NHP2: variants seen among roughly 807,000 people sequenced by gnomAD.
NHP2 encodes H/ACA ribonucleoprotein complex subunit 2.
NHP2 carries 10 observed loss-of-function variants against 16.7 expected under a neutral mutation model. The observed-to-expected ratio is 0.60, with a 90% CI of 0.37 to 1.01. The LOEUF is 1.01. NHP2 is among the 50% of genes least tolerant of loss of function. NHP2 has a pLI of 0.01. For missense variants in NHP2, 184 were observed against 198.3 expected, an observed-to-expected ratio of 0.93 and a Z score of 0.43; for synonymous variants, 87 against 78.9, an observed-to-expected ratio of 1.10 and a Z score of -0.54.
intron 2 of NHP2, among the ~76,000 whole-genome samples, chr5:178,152,862 G>A (rs967335820): frequency 2.0e-5 from 3 of 152,232 alleles, no homozygotes; most frequent in African/African-American, 7.2e-5. Flanking sequence ...TGAGGCAGGA[G>A]GATTCCTTGA....
intron 3 of NHP2, 103 bp downstream of exon 3, chr5:178,150,785 C>A: frequency 1.2e-6 from 1 of 821,248 alleles, no homozygotes; most frequent in South Asian, 1.3e-5. Flanking sequence ...CCAGGCCTGT[C>A]TTAGCTCCAA....
At chr5:178,152,294 C>G (rs923244297) in intron 2 of NHP2, among the ~76,000 whole-genome samples, 2 of 152,164 alleles carry the variant, frequency 1.3e-5, no homozygotes, top group Non-Finnish European at 2.9e-5. Context: ...CTACAAGGCC[C>G]CCTAAGAAGG....
Position 178,150,951 on chromosome 5 carries a change from G to T in NHP2, c.273C>A (p.Tyr91Ter), listed in dbSNP as rs1490611038. 2.5e-6 allele frequency: 4 copies of T among 1,614,070 alleles called. No individual in the cohort carries two copies. Among genetic ancestry groups the T allele is most frequent in the Non-Finnish European group, 3.4e-6 (4 of 1,179,998 alleles). Residue 91 changes from tyrosine to a stop codon, truncating the protein, a stop_gained, in exon 3 of 4, where the codon TAC becomes TAA. Transcript: ENST00000274606. LOFTEE classifies it high-confidence loss of function. ...LAGDTLPIEV[Y>*]CHLPVMCEDR... ...CCTCACACATGACTGGGAGATGGCA[G>T]TATACCTCAATGGGCAGTGTGTCTC...
At chr5:178,150,666 A>T (rs962316065) in intron 3 of NHP2, 1 of 687,286 alleles carries the variant, frequency 1.5e-6, no homozygotes, top group East Asian at 2.8e-5. Context: ...TACAGGTGTG[A>T]GCCACAGCGC....
rs781096695 is a variant in NHP2 at position 178,149,767 on chromosome 5, C to T, written c.408G>A (p.Gln136=). ...CCTCCAGGCACTCATCGTAAGCCTC[C>T]TGGTACTCCTCATGGGGCTTGACCA... ...VIMVKPHEEY[Q]EAYDECLEEV... is the part of the protein sequence containing the mutation. The change falls in exon 4 of 4, where the codon CAG becomes CAA. Residue 136 remains glutamine, a synonymous_variant. Coordinates refer to ENST00000274606, the MANE Select transcript of NHP2 (RefSeq NM_017838.4). 2.5e-6 allele frequency: 4 copies of T among 1,614,128 alleles called. No individual in the cohort carries two copies.
Position 178,150,967 on chromosome 5 carries a change from A to G in NHP2, c.257T>C (p.Leu86Pro), listed in dbSNP as rs376160681. ...KGIMVLAGDT[L>P]PIEVYCHLPV... Reference sequence around the variant, plus strand: ...GAGATGGCAGTATACCTCAATGGGCAGTGTGTCTCCTGCCAAAACCATGAT... The same window carrying G: ...GAGATGGCAGTATACCTCAATGGGCGGTGTGTCTCCTGCCAAAACCATGAT... Residue 86 changes from leucine to proline, a missense_variant, in exon 3 of 4, where the codon CTG becomes CCG. Leu to Pro is a moderately conservative substitution (Grantham distance 98). Coordinates refer to ENST00000274606, the MANE Select transcript of NHP2 (RefSeq NM_017838.4). 6.2e-7 allele frequency: 1 copy of G among 1,613,852 alleles called. No homozygotes were observed. The highest frequency in any genetic ancestry group is 8.5e-7 in the Non-Finnish European group (1 of 1,179,938).
At chr5:178,149,939 A>G in intron 3 of NHP2, 101 bp from the exon 4 acceptor site, 1 of 1,304,282 alleles carries the variant, frequency 7.7e-7, no homozygotes, top group South Asian at 1.3e-5. Flanking sequence ...GCCCACAACC[A>G]TGTTCTGTTC....
At position 178,153,540 on chromosome 5, in the gene NHP2, G is replaced by A. The variant is rs773420072; in HGVS notation, c.181C>T (p.Arg61Trp). ...TTCTGAACCTCTTTCACCCCGCGCC[G>A]AATCTGCTTCTGCTTCACCGCTGCA... ...IKKAVKQKQI[R>W]RGVKEVQKFV... The change falls in exon 2 of 4, where the codon CGG (arginine) becomes TGG (tryptophan). Residue 61 changes from arginine (R) to tryptophan (W), a missense_variant. Coordinates refer to ENST00000274606, the MANE Select transcript of NHP2 (RefSeq NM_017838.4). 13 of 1,614,216 alleles carry A rather than the reference G, an allele frequency of 8.1e-6. No individual in the cohort carries two copies. Among genetic ancestry groups the A allele is most frequent in the Non-Finnish European group, 1.1e-5 (13 of 1,180,030 alleles).
intron 2 of NHP2, among the ~76,000 whole-genome samples, chr5:178,151,373 C>T (rs1228121194): frequency 1.3e-5 from 2 of 152,150 alleles, no homozygotes; most frequent in African/African-American, 4.8e-5. Flanking sequence ...GAGAGACTGG[C>T]AGGGGACACC....
chr5:178,153,863 G>C lies in NHP2; in HGVS notation c.-46C>G. 2 of 1,573,940 alleles carry C rather than the reference G, an allele frequency of 1.3e-6. No individual in the cohort carries two copies. The highest frequency in any genetic ancestry group is 2.3e-5 in the South Asian group (2 of 86,806). On this transcript the variant is annotated 5_prime_UTR_variant, in exon 1 of 4. Coordinates refer to ENST00000274606, the MANE Select transcript of NHP2 (RefSeq NM_017838.4). Reference sequence around the variant, plus strand: ...AGTCCCAGGGAGGCGAGCCCACGCGGTCCACAGCTTTAGGCATCACTTCCA... The same window carrying C: ...AGTCCCAGGGAGGCGAGCCCACGCGCTCCACAGCTTTAGGCATCACTTCCA...
chr5:178,152,862 G>T (rs967335820), intron 2 of NHP2, among the ~76,000 whole-genome samples: 1 of 152,232 alleles, frequency 6.6e-6, no homozygotes, highest in Non-Finnish European at 1.5e-5. Flanking sequence ...TGAGGCAGGA[G>T]GATTCCTTGA....
chr5:178,153,608 C>A, intron 1 of NHP2, 48 bp from the exon 2 acceptor site: 2 of 1,613,624 alleles, frequency 1.2e-6, no homozygotes, highest in Non-Finnish European at 1.7e-6. Flanking sequence ...GCCACCCGCG[C>A]ACCCATCCCA....
At position 178,153,695 on chromosome 5, in the gene NHP2, G is replaced by A; in HGVS notation, c.123C>T (p.Arg41=). Residue 41 remains arginine, a synonymous_variant, in exon 1 of 4, where the codon CGC becomes CGT. Coordinates refer to ENST00000274606, the MANE Select transcript of NHP2 (RefSeq NM_017838.4). ...QNPIAQPLAS[R]RLTRKLYKCI... ...ATTTGTAGAGCTTCCGCGTGAGGCG[G>A]CGAGAAGCCAGGGGCTGCGCGATGG... 1.2e-6 allele frequency: 2 copies of A among 1,614,002 alleles called. No homozygotes were observed. Among genetic ancestry groups the A allele is most frequent in the South Asian group, 2.2e-5 (2 of 91,062 alleles).
intron 2 of NHP2, among the ~76,000 whole-genome samples, chr5:178,152,125 T>C (rs1001191830): frequency 1.3e-5 from 2 of 152,202 alleles, no homozygotes; most frequent in African/African-American, 2.4e-5. Context: ...AGTAGTCTAC[T>C]ACCTGAACTT....
In NHP2 at chr5:178,153,879, A is replaced by G; in HGVS notation, c.-62T>C. 1 of 1,543,848 alleles carries G rather than the reference A, an allele frequency of 6.5e-7. No individual in the cohort carries two copies. The highest frequency in any genetic ancestry group is 8.8e-7 in the Non-Finnish European group (1 of 1,138,624). On this transcript the variant is annotated 5_prime_UTR_variant, in exon 1 of 4. An upstream start codon of the reference 5' UTR is lost. Transcript: ENST00000274606. The stretch of plus-strand genomic sequence containing the variant: ...GCCCACGCGGTCCACAGCTTTAGGC[A>G]TCACTTCCAGGTCATCAGCTGCGCG...
chr5:178,152,681 T>C (rs897725624), intron 2 of NHP2, among the ~76,000 whole-genome samples: 2 of 152,116 alleles, frequency 1.3e-5, no homozygotes, highest in Non-Finnish European at 2.9e-5. Flanking sequence ...ACTCTGTTAT[T>C]TTCCTTCATG....
rs767675306 is a variant in NHP2, at chr5:178,149,521, C to T, written c.*192G>A. 4.1e-5 allele frequency: 26 copies of T among 631,252 alleles called. No homozygotes were observed. Among genetic ancestry groups the T allele is most frequent in the Non-Finnish European group, 6.1e-5 (22 of 361,424 alleles). 39.1% of individuals were successfully genotyped at this position (631,252 alleles called of 1,614,324 possible). A position where few individuals can be genotyped will look rare whatever the true frequency, so the allele number is the denominator to read the frequency against. On this transcript the variant is annotated 3_prime_UTR_variant, in exon 4 of 4. Transcript: ENST00000274606. ...ATTCTTGGAACAGCCTTTAGTTCTA[C>T]AGGAAATGGCACTGATGGACAGAAG... is the stretch of plus-strand genomic sequence containing the variant.
At chr5:178,153,457 G>C in intron 2 of NHP2, 34 bp downstream of exon 2, 1 of 1,609,164 alleles carries the variant, frequency 6.2e-7, no homozygotes, top group Non-Finnish European at 8.5e-7. Flanking sequence ...TTAACGTTTA[G>C]AAATGCAAAA....
Position 178,150,043 on chromosome 5 carries a change from A to G in NHP2, c.337-205T>C, listed in dbSNP as rs1036126353. ...CATGGTCCAGCCACACAGGGCCTAC[A>G]TTCCCACATGGCAACTATGAAAGGG... On this transcript the variant is annotated intron_variant, in intron 3 of 3. Coordinates refer to ENST00000274606, the MANE Select transcript of NHP2 (RefSeq NM_017838.4). 5.9e-6 allele frequency: 3 copies of G among 507,782 alleles called. No individual in the cohort carries two copies. The South Asian group carries it at 6.8e-5, about 12-fold the overall frequency. 31.5% of individuals were successfully genotyped at this position (507,782 alleles called of 1,614,324 possible).
Sources: allele counts gnomAD v4.1 joint callset (sites outside exome capture counted in the v4.1 genomes callset), GRCh38; gene constraint gnomAD v4.1.1; transcripts MANE v1.5; gene names NCBI Gene and HGNC (gene_info 2026-07-23, HGNC 2026-07-21).